Variants in GRM8 observed in about 807,000 individuals in gnomAD.
The protein encoded by GRM8 is glutamate metabotropic receptor 8, also known as metabotropic glutamate receptor 8.
GRM8 carries 47 observed loss-of-function variants against 87.2 expected under a neutral mutation model. That is an observed-to-expected ratio of 0.54 (90% CI 0.43 to 0.69). The LOEUF (loss-of-function observed/expected upper bound fraction) is 0.69. Among genes scored for constraint, GRM8 ranks in the 30% least tolerant of loss-of-function variants. The probability of loss-of-function intolerance (pLI) is 0.00; values close to 1 mark genes in which losing one functional copy is unlikely to be tolerated. For synonymous variants in GRM8, 396 were observed against 404.5 expected, an observed-to-expected ratio of 0.98 and a Z score of 0.25; for missense variants, 1,019 against 1,139.2, an observed-to-expected ratio of 0.89 and a Z score of 1.52.
At chr7:127,057,305 A>G (rs1415292191) in intron 3 of GRM8, among the ~76,000 whole-genome samples, 1 of 152,234 alleles carries the variant, frequency 6.6e-6, no homozygotes, top group East Asian at 1.9e-4. Context: ...TCTTGGTTCT[A>G]GTCTAACAAA....
intron 6 of GRM8, among the ~76,000 whole-genome samples, chr7:126,786,868 A>C (rs1820677823): frequency 6.6e-6 from 1 of 152,166 alleles, no homozygotes; most frequent in Admixed American, 6.6e-5. Flanking sequence ...AATCTGACAA[A>C]GCGTTTCTGA....
At chr7:126,803,026 A>G (rs2151713363) in intron 6 of GRM8, among the ~76,000 whole-genome samples, 1 of 152,330 alleles carries the variant, frequency 6.6e-6, no homozygotes, top group East Asian at 1.9e-4. Flanking sequence ...ATGGAGGCTG[A>G]TTTAACAGAG....
chr7:126,928,880 A>C (rs930634438), intron 3 of GRM8, among the ~76,000 whole-genome samples: 1 of 152,160 alleles, frequency 6.6e-6, no homozygotes, highest in African/African-American at 2.4e-5. Flanking sequence ...GGGAAAAAAA[A>C]ATACGTATTC....
chr7:126,565,105 T>A (rs1794095124), intron 8 of GRM8, among the ~76,000 whole-genome samples: 1 of 152,144 alleles, frequency 6.6e-6, no homozygotes, highest in South Asian at 2.1e-4. Flanking sequence ...AACATCACAC[T>A]CAGTGGTGAA....
chr7:126,865,433 T>C (rs1384678314), intron 6 of GRM8, among the ~76,000 whole-genome samples: 2 of 152,186 alleles, frequency 1.3e-5, no homozygotes, highest in Non-Finnish European at 2.9e-5. Context: ...ACTTCACATG[T>C]CACACAATTC....
intron 2 of GRM8, among the ~76,000 whole-genome samples, chr7:127,199,518 A>G (rs1392142997): frequency 6.6e-6 from 1 of 152,236 alleles, no homozygotes; most frequent in Non-Finnish European, 1.5e-5. Flanking sequence ...GAGATGGCAC[A>G]TGATAAAAGT....
chr7:127,183,605 T>G (rs571589976), intron 2 of GRM8, among the ~76,000 whole-genome samples: 1 of 151,236 alleles, frequency 6.6e-6, no homozygotes, highest in African/African-American at 2.4e-5. Context: ...AAATCAATAG[T>G]CTAAACTTTC....
chr7:126,646,863 T>C (rs1417974550), intron 7 of GRM8, among the ~76,000 whole-genome samples: 1 of 152,172 alleles, frequency 6.6e-6, no homozygotes, highest in Admixed American at 6.5e-5. Context: ...TCTGTAATTG[T>C]TCTCTCATGT....
At chr7:127,140,101 A>C (rs1828178538) in intron 2 of GRM8, among the ~76,000 whole-genome samples, 1 of 152,210 alleles carries the variant, frequency 6.6e-6, no homozygotes, top group Non-Finnish European at 1.5e-5. Flanking sequence ...ACCCAGAAAT[A>C]TATTGCATTG....
intron 7 of GRM8, among the ~76,000 whole-genome samples, chr7:126,675,469 GAAC>G (rs1401879269): frequency 1.3e-5 from 2 of 152,146 alleles, no homozygotes; most frequent in African/African-American, 4.8e-5. Context: ...TATCCCTGAT[GAAC>G]ATAGATGCAA....
intron 2 of GRM8, among the ~76,000 whole-genome samples, chr7:127,230,094 G>A (rs1273890484): frequency 6.6e-6 from 1 of 152,032 alleles, no homozygotes; most frequent in African/African-American, 2.4e-5. Flanking sequence ...ATTCTCCTAG[G>A]TTTGATAACA....
chr7:127,145,795 C>T (rs1232771583), intron 2 of GRM8, among the ~76,000 whole-genome samples: 1 of 151,950 alleles, frequency 6.6e-6, no homozygotes, highest in Non-Finnish European at 1.5e-5. Flanking sequence ...CAAAACAGAA[C>T]AAAAACGCAA....
At chr7:126,638,344 G>A (rs1370469788) in intron 7 of GRM8, among the ~76,000 whole-genome samples, 2 of 152,096 alleles carry the variant, frequency 1.3e-5, no homozygotes, top group Admixed American at 1.3e-4. Flanking sequence ...TCTGGCACAA[G>A]GCAGAGAAAT....
intron 7 of GRM8, among the ~76,000 whole-genome samples, chr7:126,727,741 C>A (rs931271065): frequency 1.5e-5 from 2 of 133,774 alleles, no homozygotes; most frequent in Non-Finnish European, 1.6e-5. Context: ...ACACACACAC[C>A]CCTAAAAAAA....
intron 8 of GRM8, among the ~76,000 whole-genome samples, chr7:126,564,952 A>G (rs995625189): frequency 2.0e-5 from 3 of 152,218 alleles, no homozygotes; most frequent in Admixed American, 2.0e-4. Context: ...AATAAAGGAT[A>G]AAAATTCCAT....
At chr7:126,513,526 C>T (rs1811715845) in intron 9 of GRM8, among the ~76,000 whole-genome samples, 1 of 152,118 alleles carries the variant, frequency 6.6e-6, no homozygotes, top group African/African-American at 2.4e-5. Context: ...CTGGAAGAAA[C>T]TTGTATACAT....
chr7:126,657,700 CT>C, intron 7 of GRM8, among the ~76,000 whole-genome samples: 1 of 152,338 alleles, frequency 6.6e-6, no homozygotes, highest in African/African-American at 2.4e-5. Flanking sequence ...AGTAAAACTA[CT>C]TTGTTTGCAT....
intron 7 of GRM8, among the ~76,000 whole-genome samples, chr7:126,649,172 C>T (rs1341617134): frequency 6.6e-6 from 1 of 152,108 alleles, no homozygotes; most frequent in Non-Finnish European, 1.5e-5. Context: ...CGAGTGTCAA[C>T]TTGATTGGAT....
intron 7 of GRM8, among the ~76,000 whole-genome samples, chr7:126,684,046 A>G (rs1807901867): frequency 6.6e-6 from 1 of 152,168 alleles, no homozygotes; most frequent in African/African-American, 2.4e-5. Flanking sequence ...TCTAGCATGT[A>G]AATATTTGTG....
Sources: allele counts gnomAD v4.1 joint callset (sites outside exome capture counted in the v4.1 genomes callset), GRCh38; gene constraint gnomAD v4.1.1; transcripts MANE v1.5; gene names NCBI Gene and HGNC (gene_info 2026-07-23, HGNC 2026-07-21).